PHF12: variants seen among roughly 807,000 people sequenced by gnomAD.
The protein encoded by PHF12 is PHD finger protein 12.
A neutral mutation model predicts 99.8 loss-of-function variants in PHF12; 6 were observed. The ratio of observed to expected loss-of-function variants is 0.06; its 90% CI spans 0.03 to 0.12. The LOEUF is 0.12. PHF12 is among the 10% of genes least tolerant of loss of function. PHF12 has a pLI of 1.00. For missense variants in PHF12, 954 were observed against 1,300.1 expected (o/e 0.73, Z 4.09); for synonymous variants, 480 against 514.9 (o/e 0.93, Z 0.92).
intron 9 of PHF12, 144 bp from the exon 10 acceptor site, chr17:28,911,381 A>G: frequency 8.5e-7 from 1 of 1,183,360 alleles, no homozygotes; most frequent in Non-Finnish European, 1.2e-6. Flanking sequence ...TGGAACTCCT[A>G]GAGCTAAAAA....
chr17:28,948,322 T>C (rs2040751988), intron 2 of PHF12, among the ~76,000 whole-genome samples: 1 of 152,182 alleles, frequency 6.6e-6, no homozygotes, highest in Non-Finnish European at 1.5e-5. Context: ...GAATAACTGG[T>C]AAGCAACACA....
In PHF12 at chr17:28,950,444, G is replaced by C; in HGVS notation, c.67-198C>G. On this transcript the variant is annotated intron_variant, in intron 1 of 14. Coordinates refer to ENST00000332830, the MANE Select transcript of PHF12 (RefSeq NM_001033561.2). The surrounding 1 kb of genome is among the most constrained non-coding windows in gnomAD (Gnocchi z 5.7). ...AACCGCGTTCCTGCAGCACAACAAC[G>C]AGAACAGCTTCTTCCAAATGGGGAG... The C allele has an allele frequency of 1.6e-6, 1 of 611,482 alleles. No individual in the cohort carries two copies. The highest frequency in any genetic ancestry group is 2.8e-5 in the East Asian group (1 of 35,340). 37.9% of individuals were successfully genotyped at this position (611,482 alleles called of 1,614,324 possible).
At chr17:28,933,917 T>G (rs2152673035) in intron 2 of PHF12, among the ~76,000 whole-genome samples, 1 of 152,164 alleles carries the variant, frequency 6.6e-6, no homozygotes, top group East Asian at 1.9e-4. Context: ...TGTGGTGGCA[T>G]GCATCTGTAG....
intron 7 of PHF12, among the ~76,000 whole-genome samples, chr17:28,914,703 T>G (rs146898762): frequency 0.029 from 1,975 of 68,256 alleles, 54 homozygotes; most frequent in Middle Eastern, 0.13. Context: ...AAAAAAAAAA[T>G]GCTTGACATG....
chr17:28,924,623 AAC>A (rs2040232746), intron 3 of PHF12: 1 of 383,120 alleles, frequency 2.6e-6, no homozygotes, highest in African/African-American at 2.1e-5. Flanking sequence ...CTAAAAAGGT[AAC>A]ACAGTGAGAA....
chr17:28,915,198 G>GT (rs1243206518), intron 7 of PHF12, among the ~76,000 whole-genome samples: 1 of 152,100 alleles, frequency 6.6e-6, no homozygotes, highest in Non-Finnish European at 1.5e-5. Context: ...AATAAGGGAG[G>GT]GGGAGAAGCA....
chr17:28,936,616 T>C (rs1023688628), intron 2 of PHF12, among the ~76,000 whole-genome samples: 1 of 152,192 alleles, frequency 6.6e-6, no homozygotes, highest in Admixed American at 6.5e-5. Flanking sequence ...TCTAGCCATC[T>C]ATAGCAGTTT....
intron 7 of PHF12, among the ~76,000 whole-genome samples, chr17:28,914,671 C>CAAAAAAAAAAAAAAAAAAAAAAA (rs61203588): frequency 3.3e-5 from 1 of 30,326 alleles, no homozygotes; most frequent in Non-Finnish European, 6.6e-5. Flanking sequence ...GACTCCGTCT[C>CAAAAAAAAAAAAAAAAAAAAAAA]AAAAAAAAAA....
At position 28,950,475 on chromosome 17, in the gene PHF12, A is replaced by C; in HGVS notation, c.67-229T>G. On this transcript the variant is annotated intron_variant, in intron 1 of 14. Transcript: ENST00000332830. This position sits in a 1 kb window ranked among gnomAD's most constrained non-coding sequence, Gnocchi z 5.7. Reference sequence around the variant, plus strand: ...AGCTTCTTCCAAATGGGGAGGATCAAGGGTAGGGGGATGGGAAGAGGGTGC... The same window carrying C: ...AGCTTCTTCCAAATGGGGAGGATCACGGGTAGGGGGATGGGAAGAGGGTGC... The C allele has an allele frequency of 1.7e-6, 1 of 583,358 alleles. No homozygotes were observed. 36.1% of individuals were successfully genotyped at this position (583,358 alleles called of 1,614,324 possible).
intron 2 of PHF12, among the ~76,000 whole-genome samples, chr17:28,940,427 A>G (rs1598158739): frequency 6.6e-6 from 1 of 152,350 alleles, no homozygotes; most frequent in East Asian, 1.9e-4. Flanking sequence ...CAAGTTTTTC[A>G]TTACTTTGAA....
intron 2 of PHF12, among the ~76,000 whole-genome samples, chr17:28,934,213 T>C (rs1329393006): frequency 6.6e-6 from 1 of 152,178 alleles, no homozygotes; most frequent in African/African-American, 2.4e-5. Flanking sequence ...CATGCAGTAA[T>C]GAGAACATAC....
At chr17:28,917,943 G>C (rs1441177857) in intron 6 of PHF12, among the ~76,000 whole-genome samples, 1 of 152,196 alleles carries the variant, frequency 6.6e-6, no homozygotes, top group Non-Finnish European at 1.5e-5. Context: ...CGTGTGCTCT[G>C]CTCTACTCCT....
intron 6 of PHF12, 114 bp downstream of exon 6, chr17:28,919,029 T>G (rs1049093518): frequency 4.5e-6 from 6 of 1,338,418 alleles, no homozygotes; most frequent in Non-Finnish European, 5.0e-6. Context: ...CAGAAACCAG[T>G]ACCTATGACA....
intron 8 of PHF12, 82 bp from the exon 9 acceptor site, chr17:28,913,359 G>C (rs2040004092): frequency 2.0e-6 from 3 of 1,518,764 alleles, no homozygotes; most frequent in Non-Finnish European, 2.6e-6. Context: ...GGCTGCAGCA[G>C]AGCTGACAAG....
At chr17:28,923,478 T>A (rs1442812693) in intron 4 of PHF12, among the ~76,000 whole-genome samples, 3 of 150,034 alleles carry the variant, frequency 2.0e-5, no homozygotes, top group Admixed American at 6.6e-5. Flanking sequence ...AACAACATGG[T>A]AAAATCCTGT....
intron 2 of PHF12, among the ~76,000 whole-genome samples, chr17:28,938,881 A>G (rs1474157760): frequency 6.6e-6 from 1 of 152,190 alleles, no homozygotes; most frequent in Non-Finnish European, 1.5e-5. Context: ...ATACTTCTCC[A>G]GAGCCATGAT....
intron 7 of PHF12, among the ~76,000 whole-genome samples, chr17:28,914,334 T>C (rs1305063094): frequency 2.0e-5 from 3 of 152,204 alleles, no homozygotes; most frequent in Admixed American, 6.5e-5. Flanking sequence ...TGGGTTCTTA[T>C]TGCTCAGTGT....
chr17:28,912,619 C>T lies in PHF12; in HGVS notation c.1952G>A (p.Gly651Glu). The T allele has an allele frequency of 6.2e-7, 1 of 1,614,138 alleles. No homozygotes were observed. Among genetic ancestry groups the T allele is most frequent in the Non-Finnish European group, 8.5e-7 (1 of 1,180,030 alleles). The stretch of plus-strand genomic sequence containing the variant: ...TGGCCTTGAATCTGTCAACGGAGGT[C>T]CTATCTGTGATTGGACAGTCTTTCT... ...LQRKTVQSQI[G>E]PPLTDSRPLG... is the part of the protein sequence containing the mutation. Residue 651 changes from glycine (G) to glutamate (E), a missense_variant, in exon 9 of 15, where the codon GGA becomes GAA. Transcript: ENST00000332830.
At chr17:28,945,105 T>A (rs1206323495) in intron 2 of PHF12, 3 of 152,132 alleles carry the variant, frequency 2.0e-5, no homozygotes, top group East Asian at 1.9e-4. Context: ...CAAAAACATT[T>A]AAAAAATTAG....
Sources: gnomAD v4.1 joint callset for allele counts (sites outside exome capture counted in the v4.1 genomes callset) on GRCh38, gnomAD v4.1.1 for gene constraint, Gnocchi (gnomAD v3.1) non-coding constraint, MANE v1.5 for transcripts, NCBI Gene and HGNC (gene_info 2026-07-23, HGNC 2026-07-21) for gene names.